The following HINT3 variants were observed in gnomAD, a reference collection of about 807,000 sequenced individuals.
The protein encoded by HINT3 is adenosine 5'-monophosphoramidase HINT3.
Under a neutral mutation model 19.1 loss-of-function variants are expected in HINT3, and 16 were observed. The observed-to-expected ratio is 0.84, with a 90% CI of 0.57 to 1.27. HINT3 has a LOEUF of 1.27. Among genes scored for constraint, HINT3 ranks in the 50% most tolerant of loss-of-function variants. HINT3 has a pLI of 0.00. For synonymous variants in HINT3, 75 were observed against 84.8 expected, an observed-to-expected ratio of 0.88 and a Z score of 0.63; for missense variants, 197 against 225.8, an observed-to-expected ratio of 0.87 and a Z score of 0.82.
intron 1 of HINT3, among the ~76,000 whole-genome samples, chr6:125,959,733 C>T (rs997551050): frequency 2.0e-5 from 3 of 152,110 alleles, no homozygotes; most frequent in Admixed American, 1.3e-4. Flanking sequence ...AACAGTGAAA[C>T]CTTTTGTGTG....
Position 125,962,233 on chromosome 6 carries a change from T to TACACATATATATATATATATATAC in HINT3, c.202-4637_202-4636insTATATACACACATATATATATATA, listed in dbSNP as rs1562212176. Among the ~76,000 whole-genome samples the TACACATATATATATATATATATAC allele has an allele frequency of 7.2e-3, 149 of 20,586 alleles. 4 individuals are homozygous for TACACATATATATATATATATATAC. The highest frequency in any genetic ancestry group is 0.01 in the South Asian group (5 of 494). 13.5% of individuals were successfully genotyped at this position (20,586 alleles called of 152,430 possible). A position where few individuals can be genotyped will look rare whatever the true frequency, so the allele number is the denominator to read the frequency against. On this transcript the variant is annotated intron_variant, in intron 1 of 4. Transcript: ENST00000229633. ...ATACACATATATATATATATATATATACACATATATATATATACACACATA... is the reference window on the plus strand; with the variant it reads ...ATACACATATATATATATATATATATACACATATATATATATATATATACACACATATATATATATACACACATA...
intron 3 of HINT3, among the ~76,000 whole-genome samples, chr6:125,973,635 C>T (rs1006940250): frequency 1.3e-5 from 2 of 152,160 alleles, no homozygotes; most frequent in African/African-American, 4.8e-5. Context: ...AAATGAGATT[C>T]TCTGTGTGAA....
chr6:125,971,370 C>T (rs1789094181), intron 2 of HINT3, among the ~76,000 whole-genome samples: 1 of 152,130 alleles, frequency 6.6e-6, no homozygotes, highest in Non-Finnish European at 1.5e-5. Context: ...GAGAGTTAGT[C>T]CTCATATGAT....
At chr6:125,960,081 A>G (rs1169909033) in intron 1 of HINT3, among the ~76,000 whole-genome samples, 1 of 152,214 alleles carries the variant, frequency 6.6e-6, no homozygotes, top group Non-Finnish European at 1.5e-5. Flanking sequence ...GAAAAAGGAG[A>G]AGGAGCAATT....
chr6:125,977,669 G>A lies in HINT3; in HGVS notation c.542G>A (p.Arg181Lys). 1 of 1,520,962 alleles carries A rather than the reference G, an allele frequency of 6.6e-7. No homozygotes were observed. The highest frequency in any genetic ancestry group is 8.9e-7 in the Non-Finnish European group (1 of 1,119,604). The allele number at this position is 1,520,962 out of a possible 1,614,324, so 94.2% of individuals were successfully genotyped here. A position where few individuals can be genotyped will look rare whatever the true frequency, so the allele number is the denominator to read the frequency against. Residue 181 changes from arginine to lysine, a missense_variant, in exon 5 of 5, where the codon AGA (arginine) becomes AAA (lysine). Arg to Lys is a conservative substitution (Grantham distance 26). Coordinates refer to ENST00000229633, the MANE Select transcript of HINT3 (RefSeq NM_138571.5). The stretch of plus-strand genomic sequence containing the variant: ...GCTGATCACTTGATTGAAAAACTAA[G>A]AACATGAAAATGTCAAGAGTGGAAG... ...ITADHLIEKLRT is the reference protein window; with the variant it reads ...ITADHLIEKLKT
rs188642952 is a variant in HINT3 at position 125,960,385 on chromosome 6, G to A, written c.201+3207G>A. 4.4e-3 allele frequency among the ~76,000 whole-genome samples: 671 copies of A among 152,312 alleles called. 4 individuals are homozygous for A. Among genetic ancestry groups the A allele is most frequent in the South Asian group, 0.017 (83 of 4,824 alleles). On this transcript the variant is annotated intron_variant, in intron 1 of 4. Coordinates refer to ENST00000229633, the MANE Select transcript of HINT3 (RefSeq NM_138571.5). Reference sequence around the variant, plus strand: ...CAGTTAAGAAGTTATGGAGCCGGGCGCAGTGGCAAACGCCTGTAATCCCAG... The same window carrying A: ...CAGTTAAGAAGTTATGGAGCCGGGCACAGTGGCAAACGCCTGTAATCCCAG...
At chr6:125,960,882 C>A (rs1487206073) in intron 1 of HINT3, among the ~76,000 whole-genome samples, 4 of 152,062 alleles carry the variant, frequency 2.6e-5, no homozygotes, top group African/African-American at 9.7e-5. Flanking sequence ...TAAAAGTAGG[C>A]TAAAGAGAGG....
chr6:125,957,037 G>A lies in HINT3; in HGVS notation c.60G>A (p.Ala20=). The part of the protein sequence containing the change: ...AGLAPDCEAS[A]TAETTVSSVG... Reference sequence around the variant, plus strand: ...TGGCCCCCGACTGTGAGGCCTCGGCGACTGCAGAAACTACGGTTTCCTCAG... The same window carrying A: ...TGGCCCCCGACTGTGAGGCCTCGGCAACTGCAGAAACTACGGTTTCCTCAG... Residue 20 remains alanine (A), a synonymous_variant, in exon 1 of 5, where the codon GCG becomes GCA. Transcript: ENST00000229633. 1 of 1,550,762 alleles carries A rather than the reference G, an allele frequency of 6.4e-7. No homozygotes were observed. The highest frequency in any genetic ancestry group is 1.2e-5 in the South Asian group (1 of 84,060).
At chr6:125,965,373 G>A (rs1211591240) in intron 1 of HINT3, among the ~76,000 whole-genome samples, 1 of 152,068 alleles carries the variant, frequency 6.6e-6, no homozygotes, top group Non-Finnish European at 1.5e-5. Context: ...CGTAATTGAG[G>A]GGAAATAAAG....
At chr6:125,958,290 C>A (rs1049845114) in intron 1 of HINT3, among the ~76,000 whole-genome samples, 1 of 151,588 alleles carries the variant, frequency 6.6e-6, no homozygotes, top group Non-Finnish European at 1.5e-5. Context: ...GGATGAAAGG[C>A]GAGGCTGGAG....
chr6:125,973,703 T>C (rs1334008819), intron 3 of HINT3, among the ~76,000 whole-genome samples: 1 of 152,180 alleles, frequency 6.6e-6, no homozygotes, highest in Non-Finnish European at 1.5e-5. Context: ...GAACAAATGG[T>C]GTTTGAGACC....
chr6:125,977,478 T>C lies in HINT3; in HGVS notation c.517-166T>C, dbSNP rs140372481. Among the ~76,000 whole-genome samples the C allele has an allele frequency of 4.4e-3, 669 of 152,336 alleles. 4 individuals are homozygous for C. Among genetic ancestry groups the C allele is most frequent in the South Asian group, 0.017 (82 of 4,828 alleles). Reference sequence around the variant, plus strand: ...CTGCCTATTTACATACAATGTAGAATAATTATATATAGATATTATACTGAG... The same window carrying C: ...CTGCCTATTTACATACAATGTAGAACAATTATATATAGATATTATACTGAG... On this transcript the variant is annotated intron_variant, in intron 4 of 4. Transcript: ENST00000229633.
At chr6:125,961,684 C>T (rs536134959) in intron 1 of HINT3, among the ~76,000 whole-genome samples, 15 of 152,300 alleles carry the variant, frequency 9.8e-5, no homozygotes, top group African/African-American at 3.1e-4. Flanking sequence ...CCTCCTCAGG[C>T]GTGTCCTCTC....
At chr6:125,971,946 C>T (rs900864708) in intron 2 of HINT3, among the ~76,000 whole-genome samples, 16 of 151,984 alleles carry the variant, frequency 1.1e-4, no homozygotes, top group African/African-American at 3.4e-4. Context: ...CTCCTGACCT[C>T]GTGATCCGCC....
chr6:125,976,949 G>A (rs146553707), intron 4 of HINT3, among the ~76,000 whole-genome samples: 247 of 152,106 alleles, frequency 1.6e-3, no homozygotes, highest in Middle Eastern at 6.8e-3. Flanking sequence ...AAAATTGAGT[G>A]GAAACTACAG....
intron 2 of HINT3, among the ~76,000 whole-genome samples, chr6:125,969,563 T>C (rs112239204): frequency 8.5e-4 from 129 of 152,300 alleles, no homozygotes; most frequent in Non-Finnish European, 1.5e-3. Context: ...GTTGAATCCA[T>C]AGATTACTTT....
chr6:125,957,744 T>C (rs988874925), intron 1 of HINT3, among the ~76,000 whole-genome samples: 18 of 152,124 alleles, frequency 1.2e-4, no homozygotes, highest in African/African-American at 4.1e-4. Context: ...TCAGTTGGGA[T>C]GCGTGGACAT....
At chr6:125,975,116 A>G in intron 4 of HINT3, 143 bp downstream of exon 4, 1 of 651,758 alleles carries the variant, frequency 1.5e-6, no homozygotes. Flanking sequence ...CATATCCAAA[A>G]TAATATTTTT....
Position 125,962,189 on chromosome 6 carries a change from C to CATAT in HINT3, c.202-4680_202-4677dup, listed in dbSNP as rs371993982. Among the ~76,000 whole-genome samples the CATAT allele has an allele frequency of 7.1e-3, 457 of 64,282 alleles. 23 individuals carry two copies. The highest frequency in any genetic ancestry group is 9.1e-3 in the Non-Finnish European group (350 of 38,276). The allele number at this position is 64,282 out of a possible 152,430, so 42.2% of individuals were successfully genotyped here. A position where few individuals can be genotyped will look rare whatever the true frequency, so the allele number is the denominator to read the frequency against. The stretch of plus-strand genomic sequence containing the variant: ...ATATATATATATATATATATATACA[C>CATAT]ATATATATATATATATATATACACA... On this transcript the variant is annotated intron_variant, in intron 1 of 4. Coordinates refer to ENST00000229633, the MANE Select transcript of HINT3 (RefSeq NM_138571.5).
Sources: gnomAD v4.1 joint callset for allele counts (sites outside exome capture counted in the v4.1 genomes callset) on GRCh38, gnomAD v4.1.1 for gene constraint, MANE v1.5 for transcripts, NCBI Gene and HGNC (gene_info 2026-07-23, HGNC 2026-07-21) for gene names.